The following AGAP1 variants were observed in gnomAD, a reference collection of about 807,000 sequenced individuals.
AGAP1 encodes arf-GAP with GTPase, ANK repeat and PH domain-containing protein 1.
A neutral mutation model predicts 105.3 loss-of-function variants in AGAP1; 29 were observed. The ratio of observed to expected loss-of-function variants is 0.28; its 90% confidence interval spans 0.21 to 0.38. AGAP1 has a LOEUF of 0.38. Among genes scored for constraint, AGAP1 ranks in the 10% least tolerant of loss-of-function variants. The pLI, the probability that AGAP1 is intolerant of heterozygous loss-of-function variation, is 1.00. For synonymous variants in AGAP1, 509 were observed against 485.9 expected (o/e 1.05, Z -0.63); for missense variants, 998 against 1,165.1 (o/e 0.86, Z 2.09).
In AGAP1 at chr2:236,101,699, C is replaced by T. The variant is rs570875913; in HGVS notation, c.2115-18493C>T. 1.7e-4 allele frequency among the ~76,000 whole-genome samples: 26 copies of T among 152,338 alleles called. No individual in the cohort carries two copies. Among genetic ancestry groups the T allele is most frequent in the African/African-American group, 6.3e-4 (26 of 41,576 alleles). On this transcript the variant is annotated intron_variant, in intron 16 of 17. Transcript: ENST00000304032. This position sits in a 1 kb window ranked among gnomAD's most constrained non-coding sequence, Gnocchi z 4.9. ...GTTCCAAAGCCGATCACATCAGCCG[C>T]TGTTATGGTGAACGGAATTCACTGT...
In AGAP1 at chr2:235,970,206, TAAAAA is replaced by T. The variant is rs35825564; in HGVS notation, c.1645+1601_1645+1605del. On this transcript the variant is annotated intron_variant, in intron 13 of 17. Coordinates refer to ENST00000304032, the MANE Select transcript of AGAP1 (RefSeq NM_001037131.3). The surrounding 1 kb of genome is among the most constrained non-coding windows in gnomAD (Gnocchi z 5.4). ...GGGCGACAGAGTGAGACTCTGTCTT[TAAAAA>T]AAAAAAAAAAAAAAAAAGACGATTT... is the stretch of plus-strand genomic sequence containing the variant. Among the ~76,000 whole-genome samples the T allele has an allele frequency of 6.6e-3, 773 of 117,878 alleles. 3 individuals carry two copies. The highest frequency in any genetic ancestry group is 0.022 in the African/African-American group (674 of 30,658). The allele number at this position is 117,878 out of a possible 152,430, so 77.3% of individuals were successfully genotyped here.
chr2:235,502,746 G>T (rs534946995), intron 1 of AGAP1, among the ~76,000 whole-genome samples: 4 of 139,782 alleles, frequency 2.9e-5, no homozygotes, highest in African/African-American at 1.1e-4. Flanking sequence ...ACTTTTCATG[G>T]TTCTGGGAGA....
chr2:235,495,027 C>T (rs1048492968), intron 1 of AGAP1, among the ~76,000 whole-genome samples, 178 bp downstream of exon 1: 3 of 152,106 alleles, frequency 2.0e-5, no homozygotes, highest in Non-Finnish European at 2.9e-5. Context: ...GCCTGCGCCC[C>T]GCCGCGCCGC....
intron 13 of AGAP1, among the ~76,000 whole-genome samples, chr2:235,984,644 G>A (rs891215937): frequency 1.3e-5 from 2 of 151,684 alleles, no homozygotes. Flanking sequence ...ATTGTTCCCC[G>A]CTCTGTGTCC....
Position 235,549,154 on chromosome 2 carries a change from C to A in AGAP1, c.163+54305C>A, listed in dbSNP as rs1245909444. ...AGCCTTCTTCTTCCTGGATTTTATA[C>A]CTCCTAGTTCTTTGAGGACAGTTTG... On this transcript the variant is annotated intron_variant, in intron 1 of 17. Transcript: ENST00000304032. This position sits in a 1 kb window ranked among gnomAD's most constrained non-coding sequence, Gnocchi z 4.2. Among the ~76,000 whole-genome samples, 1 of 152,208 alleles carries A rather than the reference C, an allele frequency of 6.6e-6. No homozygotes were observed. Among genetic ancestry groups the A allele is most frequent in the East Asian group, 1.9e-4 (1 of 5,198 alleles).
rs2055191393 is a variant in AGAP1, at chr2:235,983,775, C to G, written c.1645+15152C>G. 1.3e-5 allele frequency among the ~76,000 whole-genome samples: 2 copies of G among 152,178 alleles called. No homozygotes were observed. The highest frequency in any genetic ancestry group is 2.9e-5 in the Non-Finnish European group (2 of 68,042). On this transcript the variant is annotated intron_variant, in intron 13 of 17. Coordinates refer to ENST00000304032, the MANE Select transcript of AGAP1 (RefSeq NM_001037131.3). This position sits in a 1 kb window ranked among gnomAD's most constrained non-coding sequence, Gnocchi z 4.5. Reference sequence around the variant, plus strand: ...TGGGAGCAATAGGCTCTGCACATAGCCTGAGTGTGTGGTAGCCACACCATC... The same window carrying G: ...TGGGAGCAATAGGCTCTGCACATAGGCTGAGTGTGTGGTAGCCACACCATC...
intron 1 of AGAP1, among the ~76,000 whole-genome samples, chr2:235,643,698 C>T (rs59843372): frequency 0.036 from 5,524 of 151,752 alleles, 277 homozygotes; most frequent in African/African-American, 0.11. Context: ...GTGAGATAAC[C>T]GTATCTAGTA....
Position 235,554,834 on chromosome 2 carries a change from T to A in AGAP1, c.163+59985T>A, listed in dbSNP as rs980545568. Reference sequence around the variant, plus strand: ...ACAGGCGCCTGCCACCATGCCTGACTAATTTTTGTGTTTTTAGTGGAGACA... The same window carrying A: ...ACAGGCGCCTGCCACCATGCCTGACAAATTTTTGTGTTTTTAGTGGAGACA... On this transcript the variant is annotated intron_variant, in intron 1 of 17. Coordinates refer to ENST00000304032, the MANE Select transcript of AGAP1 (RefSeq NM_001037131.3). Among the ~76,000 whole-genome samples the A allele has an allele frequency of 4.6e-5, 7 of 152,288 alleles. No individual in the cohort carries two copies. The South Asian group carries it at 1.5e-3, about 32-fold the overall frequency.
chr2:235,603,977 G>C (rs1335566700), intron 1 of AGAP1, among the ~76,000 whole-genome samples: 1 of 152,074 alleles, frequency 6.6e-6, no homozygotes, highest in Non-Finnish European at 1.5e-5. Context: ...GGTGACTCTG[G>C]TTTCTTCCAG....
intron 1 of AGAP1, among the ~76,000 whole-genome samples, chr2:235,498,165 A>G (rs1941403335): frequency 6.6e-6 from 1 of 152,190 alleles, no homozygotes; most frequent in African/African-American, 2.4e-5. Flanking sequence ...AAGGCTCCCA[A>G]ATAAAAACAC....
rs995888683 is a variant in AGAP1 at position 235,957,301 on chromosome 2, G to T, written c.1484-11161G>T. 6.6e-6 allele frequency among the ~76,000 whole-genome samples: 1 copy of T among 152,132 alleles called. No homozygotes were observed. The highest frequency in any genetic ancestry group is 2.4e-5 in the African/African-American group (1 of 41,426). ...AGATCTCTGGGCGTAATTGAAAATG[G>T]CCCAAGTAGGCAATTCTTCTCTCCT... On this transcript the variant is annotated intron_variant, in intron 12 of 17. Coordinates refer to ENST00000304032, the MANE Select transcript of AGAP1 (RefSeq NM_001037131.3). The surrounding 1 kb of genome is among the most constrained non-coding windows in gnomAD (Gnocchi z 4.6).
rs1032500681 is a variant in AGAP1, at chr2:236,001,119, G to A, written c.1645+32496G>A. On this transcript the variant is annotated intron_variant, in intron 13 of 17. Transcript: ENST00000304032. The surrounding 1 kb of genome is among the most constrained non-coding windows in gnomAD (Gnocchi z 4.7). ...ATGGACCCTCAGAGGCGAGACGGAC[G>A]TACAGGAAACACCACATGGAGACTC... Among the ~76,000 whole-genome samples, 14 of 152,130 alleles carry A rather than the reference G, an allele frequency of 9.2e-5. No individual in the cohort carries two copies. Among genetic ancestry groups the A allele is most frequent in the African/African-American group, 2.7e-4 (11 of 41,428 alleles).
At chr2:235,562,615 C>A (rs1048410951) in intron 1 of AGAP1, among the ~76,000 whole-genome samples, 1 of 152,162 alleles carries the variant, frequency 6.6e-6, no homozygotes, top group Admixed American at 6.5e-5. Context: ...CAAAACCCTC[C>A]TCCACATGCC....
intron 13 of AGAP1, among the ~76,000 whole-genome samples, chr2:236,033,469 G>A (rs2057287606): frequency 6.6e-6 from 1 of 152,242 alleles, no homozygotes; most frequent in African/African-American, 2.4e-5. Flanking sequence ...GTCTTTGCAT[G>A]AGATACTGAG....
At chr2:236,074,150 T>G (rs1415224774) in intron 16 of AGAP1, among the ~76,000 whole-genome samples, 1 of 152,166 alleles carries the variant, frequency 6.6e-6, no homozygotes, top group Non-Finnish European at 1.5e-5. Context: ...GAGGAGCAGC[T>G]TGACGCGGTA....
At chr2:235,658,070 T>C (rs1242521352) in intron 1 of AGAP1, among the ~76,000 whole-genome samples, 1 of 152,188 alleles carries the variant, frequency 6.6e-6, no homozygotes, top group East Asian at 1.9e-4. Flanking sequence ...CCGTGGTACT[T>C]TGTTAGGTCA....
rs1361029259 is a variant in AGAP1 at position 235,844,803 on chromosome 2, G to A, written c.1050+37472G>A. ...TCCAAGACATAGCGTTGGTGCTGTC[G>A]CCCCCTCAGAAGTCTTCCTGGCTTT... On this transcript the variant is annotated intron_variant, in intron 9 of 17. Transcript: ENST00000304032. Among the ~76,000 whole-genome samples, 8 of 152,196 alleles carry A rather than the reference G, an allele frequency of 5.3e-5. No individual in the cohort carries two copies. In the South Asian group the frequency reaches 8.3e-4, roughly 16 times the overall value.
rs2058835820 is a variant in AGAP1, at chr2:236,083,260, TC to T, written c.2114+33980del. Among the ~76,000 whole-genome samples the T allele has an allele frequency of 6.6e-6, 1 of 152,216 alleles. No homozygotes were observed. Among genetic ancestry groups the T allele is most frequent in the African/African-American group, 2.4e-5 (1 of 41,462 alleles). On this transcript the variant is annotated intron_variant, in intron 16 of 17. Coordinates refer to ENST00000304032, the MANE Select transcript of AGAP1 (RefSeq NM_001037131.3). The surrounding 1 kb of genome is among the most constrained non-coding windows in gnomAD (Gnocchi z 5.3). ...CGCCGAGGCTTCGGTCTCAGGTTTT[TC>T]AGGTCAGTGTGTGCCTAATAATGCA...
intron 1 of AGAP1, among the ~76,000 whole-genome samples, chr2:235,647,919 G>A (rs1451626293): frequency 6.6e-6 from 1 of 152,010 alleles, no homozygotes; most frequent in Non-Finnish European, 1.5e-5. Context: ...CTCTGGCCAG[G>A]TGAGAGCAGA....
Sources: gnomAD v4.1 joint callset for allele counts (sites outside exome capture counted in the v4.1 genomes callset) on GRCh38, gnomAD v4.1.1 for gene constraint, Gnocchi (gnomAD v3.1) non-coding constraint, MANE v1.5 for transcripts, NCBI Gene and HGNC (gene_info 2026-07-23, HGNC 2026-07-21) for gene names.